Variants in IRF8 observed in about 807,000 individuals in gnomAD.
The protein encoded by IRF8 is interferon consensus sequence binding protein 1.
A neutral mutation model predicts 48.7 loss-of-function variants in IRF8; 14 were observed. The ratio of observed to expected loss-of-function variants is 0.29; its 90% CI spans 0.19 to 0.45. IRF8 has a LOEUF of 0.45. Among genes scored for constraint, IRF8 ranks in the 20% least tolerant of loss-of-function variants. The pLI, the probability that IRF8 is intolerant of heterozygous loss-of-function variation, is 1.00. For synonymous variants in IRF8, 278 were observed against 227.3 expected (o/e 1.22, Z -2.01); for missense variants, 493 against 580.7 (o/e 0.85, Z 1.55).
intron 5 of IRF8, 44 bp downstream of exon 5, chr16:85,913,280 G>A (rs536881645): frequency 7.3e-7 from 1 of 1,378,256 alleles, no homozygotes; most frequent in African/African-American, 1.4e-5. Flanking sequence ...ATGGCCTGAA[G>A]GGTTTACGGC....
intron 6 of IRF8, among the ~76,000 whole-genome samples, chr16:85,916,588 C>T (rs554610937): frequency 2.6e-4 from 39 of 152,314 alleles, no homozygotes; most frequent in African/African-American, 9.1e-4. Context: ...CCTGCTTAGG[C>T]GTCTCTGAAG....
chr16:85,912,131 C>G (rs1452660128), intron 4 of IRF8, among the ~76,000 whole-genome samples: 2 of 152,180 alleles, frequency 1.3e-5, no homozygotes, highest in East Asian at 3.8e-4. Context: ...GTTTTTATTC[C>G]TTAACGGATT....
chr16:85,916,118 T>C (rs1905297000), intron 6 of IRF8, among the ~76,000 whole-genome samples: 1 of 151,882 alleles, frequency 6.6e-6, no homozygotes, highest in Non-Finnish European at 1.5e-5. Context: ...GCATTTGTCC[T>C]GTTACCCAGT....
chr16:85,918,353 C>T (rs767707170), intron 6 of IRF8, 64 bp from the exon 7 acceptor site: 8 of 1,550,272 alleles, frequency 5.2e-6, no homozygotes, highest in Non-Finnish European at 6.9e-6. Flanking sequence ...AGACTGTGCA[C>T]TTGGGCAGGA....
At chr16:85,905,056 G>C (rs900543263) in intron 2 of IRF8, among the ~76,000 whole-genome samples, 6 of 152,080 alleles carry the variant, frequency 3.9e-5, no homozygotes, top group African/African-American at 1.4e-4. Flanking sequence ...CCCACCAGAT[G>C]CCAGTAGCAT....
intron 1 of IRF8, among the ~76,000 whole-genome samples, chr16:85,901,629 A>C (rs1904829953): frequency 6.6e-6 from 1 of 152,150 alleles, no homozygotes; most frequent in Non-Finnish European, 1.5e-5. Flanking sequence ...AAAGAAAAAA[A>C]AATTGAACTC....
chr16:85,912,875 G>C (rs11649318), intron 4 of IRF8, among the ~76,000 whole-genome samples: 64,333 of 152,088 alleles, frequency 0.42, 14,162 homozygotes, highest in African/African-American at 0.54. Context: ...CAGGCAGGTC[G>C]TGGAAAGGGC....
At chr16:85,919,693 G>A (rs573803164) in intron 7 of IRF8, among the ~76,000 whole-genome samples, 2 of 152,340 alleles carry the variant, frequency 1.3e-5, no homozygotes, top group East Asian at 1.9e-4. Flanking sequence ...CAGGGAAGGC[G>A]ACTGCTGCCG....
intron 2 of IRF8, among the ~76,000 whole-genome samples, chr16:85,905,446 A>G (rs1272308685): frequency 6.6e-6 from 1 of 152,234 alleles, no homozygotes; most frequent in East Asian, 1.9e-4. Flanking sequence ...AAAATGTGCA[A>G]GATTCCCAAT....
chr16:85,921,057 C>A, intron 8 of IRF8, 49 bp from the exon 9 acceptor site: 4 of 1,561,358 alleles, frequency 2.6e-6, no homozygotes, highest in East Asian at 2.4e-5. Context: ...GTGCCCACCC[C>A]CTTTGGAGCC....
At chr16:85,914,283 C>T in intron 5 of IRF8, 190 bp from the exon 6 acceptor site, 4 of 659,908 alleles carry the variant, frequency 6.1e-6, no homozygotes, top group Non-Finnish European at 8.2e-6. Context: ...TGGTTTTCTG[C>T]ATTTGTGAAA....
intron 6 of IRF8, among the ~76,000 whole-genome samples, chr16:85,916,480 C>T (rs1905309512): frequency 6.6e-6 from 1 of 152,180 alleles, no homozygotes; most frequent in African/African-American, 2.4e-5. Flanking sequence ...ACCTTGGCAG[C>T]CCTTGGTGAG....
chr16:85,909,594 C>T (rs1905088799), intron 3 of IRF8: 1 of 246,546 alleles, frequency 4.1e-6, no homozygotes, highest in Admixed American at 5.1e-5. Flanking sequence ...CCATGGCCTT[C>T]GTTGTTGGAG....
chr16:85,903,920 A>C (rs544156227), intron 2 of IRF8, among the ~76,000 whole-genome samples: 1 of 152,348 alleles, frequency 6.6e-6, no homozygotes, highest in South Asian at 2.1e-4. Context: ...AAGATGGCCC[A>C]ACTGTGAACC....
rs1442424174 is a variant in IRF8, at chr16:85,913,435, C to T, written c.553+199C>T. On this transcript the variant is annotated intron_variant, in intron 5 of 8. Transcript: ENST00000268638. ...GAGCCCAGCTGTGCCTTTGGCCCTG[C>T]TCTCCGCTGCTTCTCAGGAGGGCAC... The T allele has an allele frequency of 6.6e-6, 4 of 602,996 alleles. No individual in the cohort carries two copies. In the Admixed American group the frequency reaches 7.6e-5, roughly 11 times the overall value. 37.4% of individuals were successfully genotyped at this position (602,996 alleles called of 1,614,324 possible).
At chr16:85,904,829 T>TTTTTTTTTTTTTCC (rs1904945743) in intron 2 of IRF8, among the ~76,000 whole-genome samples, 1 of 149,554 alleles carries the variant, frequency 6.7e-6, no homozygotes, top group African/African-American at 2.5e-5. Flanking sequence ...TTTTTTTTTT[T>TTTTTTTTTTTTTCC]TTTGCCTTTG....
chr16:85,914,063 CTCTG>C (rs896717943), intron 5 of IRF8: 1 of 263,908 alleles, frequency 3.8e-6, no homozygotes, highest in Admixed American at 4.8e-5. Context: ...GGAAAGGCAC[CTCTG>C]TCTGTGCTGC....
At position 85,914,488 on chromosome 16, in the gene IRF8, C is replaced by T. The variant is rs140514602; in HGVS notation, c.569C>T (p.Thr190Met). 1.1e-4 allele frequency: 178 copies of T among 1,613,982 alleles called. No homozygotes were observed. Among genetic ancestry groups the T allele is most frequent in the Non-Finnish European group, 1.4e-4 (168 of 1,179,992 alleles). Reference protein sequence around the residue: ...QQPSTGVPLVTGYTTYDAHHS... With the variant: ...QQPSTGVPLVMGYTTYDAHHS... Reference sequence around the variant, plus strand: ...TCTCCTGCAGGCGTGCCGCTGGTGACGGGGTACACCACCTACGACGCGCAC... The same window carrying T: ...TCTCCTGCAGGCGTGCCGCTGGTGATGGGGTACACCACCTACGACGCGCAC... Residue 190 changes from threonine (T) to methionine (M), a missense_variant, in exon 6 of 9, where the codon ACG (threonine) becomes ATG (methionine). Physicochemically the swap from Thr to Met is moderately conservative, Grantham distance 81 (BLOSUM62 -1). Coordinates refer to ENST00000268638, the MANE Select transcript of IRF8 (RefSeq NM_002163.4).
In IRF8 at chr16:85,918,801, G is replaced by C; in HGVS notation, c.986G>C (p.Arg329Pro). ...GTCTTCGACACCAGCCAGTTCTTCC[G>C]AGGTCTGTACCGTCGTCACCTTGCT... ...VQVFDTSQFF[R>P]ELQQFYNSQG... The change falls in exon 7 of 9, where the codon CGA becomes CCA. Residue 329 changes from arginine (R) to proline (P), a missense_variant and splice_region_variant. Physicochemically the swap from Arg to Pro is moderately radical, Grantham distance 103 (BLOSUM62 -2). This residue lies in a region of IRF8 where 408 missense variants were observed against 449.6 expected (regional missense o/e 0.91). Coordinates refer to ENST00000268638, the MANE Select transcript of IRF8 (RefSeq NM_002163.4). 2 of 1,607,814 alleles carry C rather than the reference G, an allele frequency of 1.2e-6. No homozygotes were observed. The highest frequency in any genetic ancestry group is 1.7e-6 in the Non-Finnish European group (2 of 1,179,992).
Sources: allele counts gnomAD v4.1 joint callset (sites outside exome capture counted in the v4.1 genomes callset), GRCh38; gene constraint gnomAD v4.1.1; regional missense constraint gnomAD v4.1.1; transcripts MANE v1.5; gene names NCBI Gene and HGNC (gene_info 2026-07-23, HGNC 2026-07-21).